The following SFSWAP variants were observed in gnomAD, a reference collection of about 807,000 sequenced individuals.
SFSWAP encodes the protein splicing factor SWAP, also known as splicing factor, suppressor of white-apricot homolog.
SFSWAP carries 17 observed loss-of-function variants against 100.7 expected under a neutral mutation model. The observed-to-expected ratio is 0.17, with a 90% CI of 0.12 to 0.25. The LOEUF (loss-of-function observed/expected upper bound fraction) is 0.25. Among genes scored for constraint, SFSWAP ranks in the 10% least tolerant of loss-of-function variants. SFSWAP has a pLI of 1.00. For missense variants in SFSWAP, 1,005 were observed against 1,262.6 expected, an observed-to-expected ratio of 0.80 and a Z score of 3.09; for synonymous variants, 504 against 510.1, an observed-to-expected ratio of 0.99 and a Z score of 0.16.
chr12:131,785,296 A>C (rs1436292815), intron 14 of SFSWAP: 5,006 of 1,306,580 alleles, frequency 3.8e-3, no homozygotes, highest in Non-Finnish European at 3.9e-3. Context: ...AAAAAATCAA[A>C]ACGATTCTGT....
In SFSWAP at chr12:131,711,708, C is replaced by T. The variant is rs1295561665; in HGVS notation, c.218+261C>T. 2 of 461,158 alleles carry T rather than the reference C, an allele frequency of 4.3e-6. No homozygotes were observed. Among genetic ancestry groups the T allele is most frequent in the South Asian group, 5.5e-5 (2 of 36,238 alleles). The allele number at this position is 461,158 out of a possible 1,614,324, so 28.6% of individuals were successfully genotyped here. A position where few individuals can be genotyped will look rare whatever the true frequency, so the allele number is the denominator to read the frequency against. ...TCTGGTCCCGCAGCCCCTCTCGACC[C>T]CTCACCCTGTCGCTGGGCTGCAGTT... On this transcript the variant is annotated intron_variant, in intron 1 of 17. Transcript: ENST00000261674. This position sits in a 1 kb window ranked among gnomAD's most constrained non-coding sequence, Gnocchi z 4.9.
intron 14 of SFSWAP, among the ~76,000 whole-genome samples, chr12:131,780,461 T>C (rs1411342693): frequency 1.3e-5 from 2 of 152,206 alleles, no homozygotes; most frequent in African/African-American, 4.8e-5. Context: ...AGACTAGCTT[T>C]GGCAACATAG....
chr12:131,743,921 G>C (rs1304592900), intron 7 of SFSWAP, among the ~76,000 whole-genome samples: 1 of 152,214 alleles, frequency 6.6e-6, no homozygotes, highest in Non-Finnish European at 1.5e-5. Context: ...ACACCACATG[G>C]AAGCTGCCAA....
Position 131,733,459 on chromosome 12 carries a change from C to T in SFSWAP, c.1081+5031C>T, listed in dbSNP as rs1009530241. Among the ~76,000 whole-genome samples the T allele has an allele frequency of 1.3e-5, 2 of 152,128 alleles. No homozygotes were observed. The highest frequency in any genetic ancestry group is 2.9e-5 in the Non-Finnish European group (2 of 68,020). ...TAAAGCACGGCATGCATCCTGAGAG[C>T]CAGGCAGCGACGCTGCCTGCACTGC... On this transcript the variant is annotated intron_variant, in intron 7 of 17. Transcript: ENST00000261674. The surrounding 1 kb of genome is among the most constrained non-coding windows in gnomAD (Gnocchi z 5.1).
intron 14 of SFSWAP, among the ~76,000 whole-genome samples, chr12:131,779,173 C>T (rs1212504535): frequency 2.4e-5 from 1 of 42,548 alleles, no homozygotes; most frequent in Non-Finnish European, 6.5e-5. Context: ...GATGCAGCGA[C>T]GGTGAGTGTG....
intron 14 of SFSWAP, among the ~76,000 whole-genome samples, chr12:131,783,198 A>C (rs1185780392): frequency 6.6e-6 from 1 of 151,076 alleles, no homozygotes; most frequent in East Asian, 1.9e-4. Context: ...AAAAAAAAAA[A>C]GATTAAAGTA....
At chr12:131,771,208 C>G (rs1370722049) in intron 13 of SFSWAP, among the ~76,000 whole-genome samples, 1 of 152,158 alleles carries the variant, frequency 6.6e-6, no homozygotes, top group Non-Finnish European at 1.5e-5. Flanking sequence ...CAGTAGAGAT[C>G]CTTCTGTTAT....
intron 7 of SFSWAP, among the ~76,000 whole-genome samples, chr12:131,750,923 C>T (rs1290154670): frequency 6.6e-6 from 1 of 152,168 alleles, no homozygotes; most frequent in African/African-American, 2.4e-5. Flanking sequence ...ATCCTCCCAC[C>T]TCAGCCTACC....
At chr12:131,798,417 C>T (rs957457465) in intron 16 of SFSWAP, among the ~76,000 whole-genome samples, 3 of 152,224 alleles carry the variant, frequency 2.0e-5, no homozygotes, top group African/African-American at 7.2e-5. Context: ...AGGGCACCTA[C>T]AGCCAAGGCC....
intron 3 of SFSWAP, among the ~76,000 whole-genome samples, chr12:131,717,305 T>A (rs1878015658): frequency 6.6e-6 from 1 of 152,268 alleles, no homozygotes; most frequent in Non-Finnish European, 1.5e-5. Flanking sequence ...ATTTTGATGG[T>A]GCCTCCATCT....
Position 131,728,384 on chromosome 12 carries a change from A to G in SFSWAP, c.1037A>G (p.Asp346Gly). 1 of 1,614,228 alleles carries G rather than the reference A, an allele frequency of 6.2e-7. No individual in the cohort carries two copies. Among genetic ancestry groups the G allele is most frequent in the Non-Finnish European group, 8.5e-7 (1 of 1,180,038 alleles). ...DSSTPTPHNA[D>G]GAPVQPSQVE... is the part of the protein sequence containing the mutation. ...TCCACTCCCACCCCACACAACGCAG[A>G]CGGTGCGCCTGTGCAGCCCTCCCAG... The change falls in exon 7 of 18, where the codon GAC (aspartate) becomes GGC (glycine). Residue 346 changes from aspartate (D) to glycine (G), a missense_variant. By Grantham distance (94) the Asp-to-Gly change is moderately conservative. Transcript: ENST00000261674.
At chr12:131,785,905 A>G (rs764413265) in intron 14 of SFSWAP, 3 of 153,344 alleles carry the variant, frequency 2.0e-5, no homozygotes, top group Non-Finnish European at 2.9e-5. Flanking sequence ...TAGTGTGAAC[A>G]GGAGAAATTT....
intron 15 of SFSWAP, among the ~76,000 whole-genome samples, chr12:131,791,087 GGAGTGGATTAAA>G (rs994976219): frequency 5.3e-5 from 8 of 152,168 alleles, no homozygotes; most frequent in African/African-American, 1.9e-4. Flanking sequence ...CAGTGATTGT[GGAGTGGATTAAA>G]GAGCAAGACC....
Position 131,714,745 on chromosome 12 carries a change from C to A in SFSWAP, c.389-77C>A. ...AGTATGTTGTATGCTTTACTGATAG[C>A]TACAACTTTAGAAATATATAAAGTT... On this transcript the variant is annotated intron_variant, in intron 2 of 17. Transcript: ENST00000261674. The surrounding 1 kb of genome is among the most constrained non-coding windows in gnomAD (Gnocchi z 6.0). The A allele has an allele frequency of 1.5e-6, 2 of 1,367,568 alleles. No homozygotes were observed. The highest frequency in any genetic ancestry group is 2.1e-6 in the Non-Finnish European group (2 of 974,830). 84.7% of individuals were successfully genotyped at this position (1,367,568 alleles called of 1,614,324 possible). A position where few individuals can be genotyped will look rare whatever the true frequency, so the allele number is the denominator to read the frequency against.
chr12:131,769,666 G>A (rs1214495294), intron 13 of SFSWAP, among the ~76,000 whole-genome samples: 6 of 151,494 alleles, frequency 4.0e-5, no homozygotes, highest in East Asian at 1.9e-4. Context: ...TTGCTCTCTC[G>A]CCCAGGCTGG....
chr12:131,735,659 C>G (rs1879938453), intron 7 of SFSWAP, among the ~76,000 whole-genome samples: 1 of 152,238 alleles, frequency 6.6e-6, no homozygotes, highest in Non-Finnish European at 1.5e-5. Context: ...TGTTGCTGTT[C>G]CCTTGGTCTT....
chr12:131,785,340 A>AG, intron 14 of SFSWAP: 7 of 1,013,442 alleles, frequency 6.9e-6, no homozygotes, highest in Non-Finnish European at 1.0e-5. Context: ...GCCCTCCAGG[A>AG]TGCCGGGGTC....
chr12:131,795,344 C>T (rs1885551137), intron 15 of SFSWAP, among the ~76,000 whole-genome samples: 1 of 152,226 alleles, frequency 6.6e-6, no homozygotes, highest in Admixed American at 6.5e-5. Flanking sequence ...GGCACCAACA[C>T]AGTCTGCTCA....
chr12:131,745,856 C>G (rs1002162123), intron 7 of SFSWAP, among the ~76,000 whole-genome samples: 5 of 151,912 alleles, frequency 3.3e-5, no homozygotes, highest in East Asian at 3.9e-4. Context: ...GATCCAGCAG[C>G]CGAATAAGCC....
Sources: allele counts gnomAD v4.1 joint callset (sites outside exome capture counted in the v4.1 genomes callset), GRCh38; gene constraint gnomAD v4.1.1; non-coding constraint Gnocchi (gnomAD v3.1); transcripts MANE v1.5; gene names NCBI Gene and HGNC (gene_info 2026-07-23, HGNC 2026-07-21).